TMEM87A: variants seen among roughly 807,000 people sequenced by gnomAD.
The protein encoded by TMEM87A is Golgi-pH regulating cation channel.
In TMEM87A, 50 loss-of-function variants were observed where a neutral mutation model predicts 90.0. The observed-to-expected ratio is 0.56, with a 90% CI of 0.44 to 0.70. TMEM87A has a LOEUF of 0.70. TMEM87A is among the 30% of genes least tolerant of loss of function. The pLI is 0.00. For synonymous variants in TMEM87A, 226 were observed against 226.7 expected, an observed-to-expected ratio of 1.00 and a Z score of 0.03; for missense variants, 577 against 660.5, an observed-to-expected ratio of 0.87 and a Z score of 1.39.
intron 6 of TMEM87A, among the ~76,000 whole-genome samples, chr15:42,254,044 ATTTTTTTCTTTT>A (rs1290013339): frequency 6.6e-6 from 1 of 151,276 alleles, no homozygotes; most frequent in Non-Finnish European, 1.5e-5. Context: ...TAACAAAACT[ATTTTTTTCTTTT>A]TTTTTTTCTC....
chr15:42,266,007 A>C (rs1052089535), intron 3 of TMEM87A, among the ~76,000 whole-genome samples: 1 of 152,134 alleles, frequency 6.6e-6, no homozygotes, highest in Admixed American at 6.5e-5. Flanking sequence ...GCTTTGTTAA[A>C]TATCAGATGG....
intron 2 of TMEM87A, among the ~76,000 whole-genome samples, chr15:42,269,667 T>G (rs571415821): frequency 2.0e-5 from 3 of 152,184 alleles, no homozygotes; most frequent in Non-Finnish European, 4.4e-5. Context: ...TCGGGCGCGG[T>G]GGCTCACGCC....
Position 42,270,672 on chromosome 15 carries a change from A to G in TMEM87A, c.205+1391T>C, listed in dbSNP as rs146399650. Reference sequence around the variant, plus strand: ...ACGAGAAAAAAAGACTGGACCTAATAAAAGAATAAAACAGCAAACAGGCTG... The same window carrying G: ...ACGAGAAAAAAAGACTGGACCTAATGAAAGAATAAAACAGCAAACAGGCTG... On this transcript the variant is annotated intron_variant, in intron 2 of 19. Coordinates refer to ENST00000389834, the MANE Select transcript of TMEM87A (RefSeq NM_015497.5). Among the ~76,000 whole-genome samples the G allele has an allele frequency of 5.2e-3, 799 of 152,332 alleles. 8 individuals carry two copies. The highest frequency in any genetic ancestry group is 0.019 in the African/African-American group (776 of 41,578).
At chr15:42,241,414 A>G (rs1010908930) in intron 7 of TMEM87A, among the ~76,000 whole-genome samples, 1 of 152,238 alleles carries the variant, frequency 6.6e-6, no homozygotes. Context: ...AGGAAATAAC[A>G]TGAACAAAAC....
intron 11 of TMEM87A, among the ~76,000 whole-genome samples, chr15:42,231,675 T>A (rs2050688372): frequency 6.6e-6 from 1 of 152,310 alleles, no homozygotes; most frequent in Admixed American, 6.5e-5. Flanking sequence ...TACAAAGAAT[T>A]ATTAATTTCT....
intron 10 of TMEM87A, among the ~76,000 whole-genome samples, chr15:42,235,069 C>T (rs990300002): frequency 7.9e-5 from 12 of 152,178 alleles, no homozygotes; most frequent in African/African-American, 1.4e-4. Flanking sequence ...GATGGAGTCT[C>T]GTTCTGTTAC....
rs1178695850 is a variant in TMEM87A, at chr15:42,237,419, T to G, written c.868+13A>C. On this transcript the variant is annotated intron_variant, in intron 9 of 19. Transcript: ENST00000389834. Reference sequence around the variant, plus strand: ...CAACCACTCGAACTGGCAAAGATTTTCTGGTTACTTACCAGATTCTCCTTT... The same window carrying G: ...CAACCACTCGAACTGGCAAAGATTTGCTGGTTACTTACCAGATTCTCCTTT... 6.2e-7 allele frequency: 1 copy of G among 1,612,354 alleles called. No homozygotes were observed. The highest frequency in any genetic ancestry group is 8.5e-7 in the Non-Finnish European group (1 of 1,178,878).
intron 9 of TMEM87A, among the ~76,000 whole-genome samples, chr15:42,236,991 T>A (rs1394791678): frequency 1.3e-5 from 2 of 152,220 alleles, no homozygotes; most frequent in African/African-American, 4.8e-5. Context: ...TACTAAACCA[T>A]AAGCACTCTC....
chr15:42,243,909 CT>C (rs2050921196), intron 7 of TMEM87A, 140 bp downstream of exon 7: 1 of 484,302 alleles, frequency 2.1e-6, no homozygotes, highest in African/African-American at 2.0e-5. Flanking sequence ...ATGTTACTAA[CT>C]AAAAATTTTA....
chr15:42,239,638 A>G (rs917997807), intron 8 of TMEM87A, 32 bp downstream of exon 8: 1 of 1,578,380 alleles, frequency 6.3e-7, no homozygotes, highest in Non-Finnish European at 8.7e-7. Flanking sequence ...AAACCATCCA[A>G]TACTGAGGTT....
intron 19 of TMEM87A, among the ~76,000 whole-genome samples, chr15:42,215,021 G>T (rs1595701481): frequency 6.6e-6 from 1 of 152,198 alleles, no homozygotes; most frequent in Non-Finnish European, 1.5e-5. Context: ...GAACTTCACA[G>T]AATATACTTA....
chr15:42,211,790 T>G, intron 19 of TMEM87A, 41 bp from the exon 20 acceptor site: 1 of 1,564,922 alleles, frequency 6.4e-7, no homozygotes, highest in Non-Finnish European at 8.8e-7. Flanking sequence ...TAGGTTAAAA[T>G]GATCTATATT....
intron 12 of TMEM87A, 113 bp from the exon 13 acceptor site, chr15:42,228,933 G>C: frequency 3.1e-6 from 2 of 654,444 alleles, no homozygotes; most frequent in Non-Finnish European, 5.2e-6. Context: ...AGATCTCTCA[G>C]AGGCCTTATA....
At position 42,233,241 on chromosome 15, in the gene TMEM87A, C is replaced by A. The variant is rs2050716022; in HGVS notation, c.1034G>T (p.Gly345Val). ...VAGALYLLFSGMEGVLRVTGA... is the reference protein window; with the variant it reads ...VAGALYLLFSVMEGVLRVTGA... ...AGTAACTCTGAGGACCCCTTCCATG[C>A]CAGAGAACAAAAGATAGAGGGCTCC... is the stretch of plus-strand genomic sequence containing the variant. Residue 345 changes from glycine (G) to valine (V), a missense_variant, in exon 11 of 20, where the codon GGC becomes GTC. Gly to Val is a moderately radical substitution (Grantham distance 109, BLOSUM62 -3). Coordinates refer to ENST00000389834, the MANE Select transcript of TMEM87A (RefSeq NM_015497.5). The A allele has an allele frequency of 1.2e-6, 2 of 1,613,902 alleles. No homozygotes were observed. Among genetic ancestry groups the A allele is most frequent in the Non-Finnish European group, 1.7e-6 (2 of 1,179,970 alleles).
chr15:42,219,868 G>C (rs1008185668), intron 16 of TMEM87A, among the ~76,000 whole-genome samples, 194 bp downstream of exon 16: 29 of 152,136 alleles, frequency 1.9e-4, no homozygotes, highest in Admixed American at 7.9e-4. Flanking sequence ...CTTCTAGCAA[G>C]TAAAATGGAT....
Position 42,265,710 on chromosome 15 carries a change from C to G in TMEM87A, c.292-1507G>C, listed in dbSNP as rs1225055022. ...AGAAGCTCTTAAACTTAATTAGATC[C>G]CATTTGTCAATTTTTGCTTTTGTTG... On this transcript the variant is annotated intron_variant, in intron 3 of 19. Coordinates refer to ENST00000389834, the MANE Select transcript of TMEM87A (RefSeq NM_015497.5). Among the ~76,000 whole-genome samples the G allele has an allele frequency of 6.6e-5, 10 of 152,266 alleles. No homozygotes were observed. In the East Asian group the frequency reaches 1.9e-3, roughly 29 times the overall value.
chr15:42,264,699 A>ATTTTTTTTTTTTTT, intron 3 of TMEM87A, among the ~76,000 whole-genome samples: 1 of 109,436 alleles, frequency 9.1e-6, no homozygotes. Flanking sequence ...ATATATATAT[A>ATTTTTTTTTTTTTT]TTTTTTTTTT....
chr15:42,244,834 G>A (rs1428518596), intron 6 of TMEM87A, among the ~76,000 whole-genome samples: 3 of 150,122 alleles, frequency 2.0e-5, no homozygotes, highest in Non-Finnish European at 4.4e-5. Flanking sequence ...TGATAAAGAG[G>A]AACACAGAAA....
chr15:42,272,100 T>C lies in TMEM87A; in HGVS notation c.168A>G (p.Gly56=). 1 of 1,607,570 alleles carries C rather than the reference T, an allele frequency of 6.2e-7. No individual in the cohort carries two copies. The highest frequency in any genetic ancestry group is 8.5e-7 in the Non-Finnish European group (1 of 1,177,672). ...TAGTGGTATTTCTGAAGAGGATCTT[T>C]CCAAAACTAAAATAATTTTTCCCCT... ...IPSGKNYFSF[G]KILFRNTTIF... The change falls in exon 2 of 20, where the codon GGA becomes GGG. Residue 56 remains glycine, a synonymous_variant. Transcript: ENST00000389834.
Sources: allele counts gnomAD v4.1 joint callset (sites outside exome capture counted in the v4.1 genomes callset), GRCh38; gene constraint gnomAD v4.1.1; transcripts MANE v1.5; gene names NCBI Gene and HGNC (gene_info 2026-07-23, HGNC 2026-07-21).